STUB1: variants seen among roughly 807,000 people sequenced by gnomAD.
The protein encoded by STUB1 is STIP1 homology and U-box containing protein 1.
STUB1 carries 37 observed loss-of-function variants against 40.3 expected under a neutral mutation model. That is an observed-to-expected ratio of 0.92 (90% CI 0.71 to 1.21). STUB1 has a LOEUF of 1.21. Ranked by LOEUF, STUB1 falls within the 50% of genes most tolerant of loss-of-function variation. The pLI is 0.00. For synonymous variants in STUB1, 246 were observed against 171.9 expected, an observed-to-expected ratio of 1.43 and a Z score of -3.37; for missense variants, 460 against 421.9, an observed-to-expected ratio of 1.09 and a Z score of -0.79.
Position 681,445 on chromosome 16 carries a change from C to T in STUB1, c.366C>T (p.Ser122=). Residue 122 remains serine, a synonymous_variant, in exon 3 of 7, where the codon AGC becomes AGT. Transcript: ENST00000219548. ...GAAGCCCCCGTTCCCCAGCTTACAG[C>T]CTGGCCAAGGAGCAGCGGCTGAACT... ...EAIANLQRAY[S]LAKEQRLNFG... The T allele has an allele frequency of 6.2e-7, 1 of 1,611,636 alleles. No individual in the cohort carries two copies. The highest frequency in any genetic ancestry group is 8.5e-7 in the Non-Finnish European group (1 of 1,178,974).
rs937991055 is a variant in STUB1 at position 680,823 on chromosome 16, C to A, written c.159+139C>A. 4 of 914,210 alleles carry A rather than the reference C, an allele frequency of 4.4e-6. No individual in the cohort carries two copies. The African/African-American group carries it at 7.0e-5, about 16-fold the overall frequency. The allele number at this position is 914,210 out of a possible 1,614,324, so 56.6% of individuals were successfully genotyped here. On this transcript the variant is annotated intron_variant, in intron 1 of 6. Transcript: ENST00000219548. This position sits in a 1 kb window ranked among gnomAD's most constrained non-coding sequence, Gnocchi z 4.9. ...CAAAGCCCAGCCGTGGTTCTCGAGCCCAGCGCCGGGTGCCGGAGAACGAGG... is the reference window on the plus strand; with the variant it reads ...CAAAGCCCAGCCGTGGTTCTCGAGCACAGCGCCGGGTGCCGGAGAACGAGG...
At position 680,530 on chromosome 16, in the gene STUB1, A is replaced by G; in HGVS notation, c.5A>G (p.Lys2Arg). Residue 2 changes from lysine (K) to arginine (R), a missense_variant, in exon 1 of 7, where the codon AAG (lysine) becomes AGG (arginine). By Grantham distance (26) the Lys-to-Arg change is conservative. Coordinates refer to ENST00000219548, the MANE Select transcript of STUB1 (RefSeq NM_005861.4). The surrounding 1 kb of genome is among the most constrained non-coding windows in gnomAD (Gnocchi z 4.9). M[K>R]GKEEKEGGAR... Reference sequence around the variant, plus strand: ...CAGGCCGTGCCGCGCGGCGCCATGAAGGGCAAGGAGGAGAAGGAGGGCGGC... The same window carrying G: ...CAGGCCGTGCCGCGCGGCGCCATGAGGGGCAAGGAGGAGAAGGAGGGCGGC... 1 of 1,278,156 alleles carries G rather than the reference A, an allele frequency of 7.8e-7. No individual in the cohort carries two copies. The highest frequency in any genetic ancestry group is 2.4e-5 in the South Asian group (1 of 42,110). 79.2% of individuals were successfully genotyped at this position (1,278,156 alleles called of 1,614,324 possible). A position where few individuals can be genotyped will look rare whatever the true frequency, so the allele number is the denominator to read the frequency against.
chr16:681,172 C>T lies in STUB1; in HGVS notation c.180C>T (p.Ala60=), dbSNP rs533773727. The stretch of plus-strand genomic sequence containing the variant: ...CCTAGACCCGGAACCCGCTGGTGGC[C>T]GTGTATTACACCAACCGGGCCTTGT... ...GRAITRNPLV[A]VYYTNRALCY... The change falls in exon 2 of 7, where the codon GCC becomes GCT. Residue 60 remains alanine (A), a synonymous_variant. Transcript: ENST00000219548. The T allele has an allele frequency of 1.5e-5, 23 of 1,573,834 alleles. No homozygotes were observed. In the African/African-American group the frequency reaches 2.4e-4, roughly 17 times the overall value.
chr16:681,903 T>C lies in STUB1; in HGVS notation c.612+23T>C, dbSNP rs765948169. On this transcript the variant is annotated intron_variant, in intron 4 of 6. Coordinates refer to ENST00000219548, the MANE Select transcript of STUB1 (RefSeq NM_005861.4). Reference sequence around the variant, plus strand: ...CACGTGAGGGTGCCCCCCACCCACATGTGGGTCTGTGTGTGTGCACGTGGC... The same window carrying C: ...CACGTGAGGGTGCCCCCCACCCACACGTGGGTCTGTGTGTGTGCACGTGGC... 3.1e-6 allele frequency: 5 copies of C among 1,612,750 alleles called. No homozygotes were observed. The South Asian group carries it at 5.5e-5, about 18-fold the overall frequency.
At position 680,723 on chromosome 16, in the gene STUB1, C is replaced by G. The variant is rs1236231162; in HGVS notation, c.159+39C>G. On this transcript the variant is annotated intron_variant, in intron 1 of 6. Transcript: ENST00000219548. This position sits in a 1 kb window ranked among gnomAD's most constrained non-coding sequence, Gnocchi z 4.9. ...CGCGGGGAGGGCGGCGGCGGTGGCA[C>G]CGGGGAGGGCCGGGCCCGGGCCCGG... 2 of 1,165,112 alleles carry G rather than the reference C, an allele frequency of 1.7e-6. No individual in the cohort carries two copies. Among genetic ancestry groups the G allele is most frequent in the African/African-American group, 1.6e-5 (1 of 61,386 alleles). 72.2% of individuals were successfully genotyped at this position (1,165,112 alleles called of 1,614,324 possible).
In STUB1 at chr16:682,053, T is replaced by TC; in HGVS notation, c.647dup (p.Gln217SerfsTer4). 1 of 1,586,546 alleles carries TC rather than the reference T, an allele frequency of 6.3e-7. No individual in the cohort carries two copies. The highest frequency in any genetic ancestry group is 8.6e-7 in the Non-Finnish European group (1 of 1,160,592). ...CATGGCGGACATGGACGAGCTTTTT[T>TC]CTCAGGTGGATGAGAAGAGGAAGGT... On this transcript the variant is annotated frameshift_variant, in exon 5 of 7. Coordinates refer to ENST00000219548, the MANE Select transcript of STUB1 (RefSeq NM_005861.4). LOFTEE classifies it high-confidence loss of function.
chr16:682,680 C>A lies in STUB1; in HGVS notation c.*191C>A. 1 of 1,425,108 alleles carries A rather than the reference C, an allele frequency of 7.0e-7. No individual in the cohort carries two copies. Among genetic ancestry groups the A allele is most frequent in the Non-Finnish European group, 9.6e-7 (1 of 1,040,996 alleles). The allele number at this position is 1,425,108 out of a possible 1,614,324, so 88.3% of individuals were successfully genotyped here. A position where few individuals can be genotyped will look rare whatever the true frequency, so the allele number is the denominator to read the frequency against. Reference sequence around the variant, plus strand: ...CGTCCCCCTTTGTGGGCTGGAAAAGCAGGTGAGGGTGGGCTGGGCTGAGGC... The same window carrying A: ...CGTCCCCCTTTGTGGGCTGGAAAAGAAGGTGAGGGTGGGCTGGGCTGAGGC... On this transcript the variant is annotated 3_prime_UTR_variant, in exon 7 of 7. Transcript: ENST00000219548.
At position 680,549 on chromosome 16, in the gene STUB1, G is replaced by C. The variant is rs752149215; in HGVS notation, c.24G>C (p.Glu8Asp). The change falls in exon 1 of 7, where the codon GAG becomes GAC. Residue 8 changes from glutamate (E) to aspartate (D), a missense_variant. Transcript: ENST00000219548. This position sits in a 1 kb window ranked among gnomAD's most constrained non-coding sequence, Gnocchi z 4.9. ...CCATGAAGGGCAAGGAGGAGAAGGA[G>C]GGCGGCGCACGGCTGGGCGCTGGCG... MKGKEEK[E>D]GGARLGAGGG... is the part of the protein sequence containing the mutation. The C allele has an allele frequency of 3.7e-6, 5 of 1,347,096 alleles. No individual in the cohort carries two copies. In the South Asian group the frequency reaches 9.1e-5, roughly 24 times the overall value. 83.4% of individuals were successfully genotyped at this position (1,347,096 alleles called of 1,614,324 possible).
In STUB1 at chr16:682,232, C is replaced by T. The variant is rs587777343; in HGVS notation, c.737C>T (p.Thr246Met). 3.1e-6 allele frequency: 5 copies of T among 1,613,086 alleles called. No homozygotes were observed. The highest frequency in any genetic ancestry group is 4.2e-6 in the Non-Finnish European group (5 of 1,179,998). Reference sequence around the variant, plus strand: ...GAGCTGATGCGGGAGCCGTGCATCACGCCCAGTGGCATCACCTACGACCGC... The same window carrying T: ...GAGCTGATGCGGGAGCCGTGCATCATGCCCAGTGGCATCACCTACGACCGC... ...SFELMREPCITPSGITYDRKD... is the reference protein window; with the variant it reads ...SFELMREPCIMPSGITYDRKD... Residue 246 changes from threonine (T) to methionine (M), a missense_variant, in exon 6 of 7, where the codon ACG (threonine) becomes ATG (methionine). By Grantham distance (81) the Thr-to-Met change is moderately conservative. Coordinates refer to ENST00000219548, the MANE Select transcript of STUB1 (RefSeq NM_005861.4).
In STUB1 at chr16:682,546, G is replaced by T. The variant is rs1411350280; in HGVS notation, c.*57G>T. On this transcript the variant is annotated 3_prime_UTR_variant, in exon 7 of 7. Coordinates refer to ENST00000219548, the MANE Select transcript of STUB1 (RefSeq NM_005861.4). ...GGGGAGCCCTGGGCAGAAGCCCCCG[G>T]CCCCTATACATAGTTTATGTTCCTG... is the stretch of plus-strand genomic sequence containing the variant. The T allele has an allele frequency of 6.8e-6, 11 of 1,607,122 alleles. No individual in the cohort carries two copies. The East Asian group carries it at 2.5e-4, about 36-fold the overall frequency.
In STUB1 at chr16:680,699, G is replaced by A; in HGVS notation, c.159+15G>A. 8.2e-7 allele frequency: 1 copy of A among 1,218,206 alleles called. No individual in the cohort carries two copies. The highest frequency in any genetic ancestry group is 1.0e-6 in the Non-Finnish European group (1 of 973,958). The allele number at this position is 1,218,206 out of a possible 1,614,324, so 75.5% of individuals were successfully genotyped here. A position where few individuals can be genotyped will look rare whatever the true frequency, so the allele number is the denominator to read the frequency against. On this transcript the variant is annotated intron_variant, in intron 1 of 6. Transcript: ENST00000219548. The surrounding 1 kb of genome is among the most constrained non-coding windows in gnomAD (Gnocchi z 4.9). Reference sequence around the variant, plus strand: ...GCCGCGCGATCGTGAGTGCGCCCGCGCGGGGAGGGCGGCGGCGGTGGCACC... The same window carrying A: ...GCCGCGCGATCGTGAGTGCGCCCGCACGGGGAGGGCGGCGGCGGTGGCACC...
Position 680,595 on chromosome 16 carries a change from C to A in STUB1, c.70C>A (p.Pro24Thr). ...GAGGGSPEKS[P>T]SAQELKEQGN... ...TGGCGGCGGAAGCCCCGAGAAGAGC[C>A]CGAGCGCGCAGGAGCTCAAGGAGCA... The change falls in exon 1 of 7, where the codon CCG (proline) becomes ACG (threonine). Residue 24 changes from proline (P) to threonine (T), a missense_variant. Coordinates refer to ENST00000219548, the MANE Select transcript of STUB1 (RefSeq NM_005861.4). The surrounding 1 kb of genome is among the most constrained non-coding windows in gnomAD (Gnocchi z 4.9). 7.1e-7 allele frequency: 1 copy of A among 1,407,564 alleles called. No homozygotes were observed. Among genetic ancestry groups the A allele is most frequent in the Non-Finnish European group, 9.3e-7 (1 of 1,070,804 alleles). 87.2% of individuals were successfully genotyped at this position (1,407,564 alleles called of 1,614,324 possible).
In STUB1 at chr16:680,706, GGGC is replaced by G; in HGVS notation, c.159+31_159+33del. On this transcript the variant is annotated intron_variant, in intron 1 of 6. Transcript: ENST00000219548. The surrounding 1 kb of genome is among the most constrained non-coding windows in gnomAD (Gnocchi z 4.9). ...GATCGTGAGTGCGCCCGCGCGGGGAGGGCGGCGGCGGTGGCACCGGGGAGGGCC... is the reference window on the plus strand; with the variant it reads ...GATCGTGAGTGCGCCCGCGCGGGGAGGGCGGCGGTGGCACCGGGGAGGGCC... The G allele has an allele frequency of 8.3e-7, 1 of 1,210,888 alleles. No individual in the cohort carries two copies. The highest frequency in any genetic ancestry group is 1.0e-6 in the Non-Finnish European group (1 of 970,216). The allele number at this position is 1,210,888 out of a possible 1,614,324, so 75.0% of individuals were successfully genotyped here.
intron 3 of STUB1, 72 bp downstream of exon 3, chr16:681,675 T>C: frequency 1.3e-6 from 2 of 1,563,144 alleles, no homozygotes; most frequent in Non-Finnish European, 1.7e-6. Flanking sequence ...CAAGCGTTTA[T>C]CGAAGGCTTT....
At position 682,502 on chromosome 16, in the gene STUB1, T is replaced by C. The variant is rs369630124; in HGVS notation, c.*13T>C. 6.2e-7 allele frequency: 1 copy of C among 1,612,986 alleles called. No homozygotes were observed. On this transcript the variant is annotated 3_prime_UTR_variant, in exon 7 of 7. Coordinates refer to ENST00000219548, the MANE Select transcript of STUB1 (RefSeq NM_005861.4). ...GGAGGACTACTGAGGTTCCCTGCCC[T>C]ACCTGGCGTCCTGGTCCAGGGGAGC...
In STUB1 at chr16:680,889, AG is replaced by A; in HGVS notation, c.159+209del. 1 of 567,502 alleles carries A rather than the reference AG, an allele frequency of 1.8e-6. No homozygotes were observed. The highest frequency in any genetic ancestry group is 2.8e-6 in the Non-Finnish European group (1 of 350,936). 35.2% of individuals were successfully genotyped at this position (567,502 alleles called of 1,614,324 possible). On this transcript the variant is annotated intron_variant, in intron 1 of 6. Coordinates refer to ENST00000219548, the MANE Select transcript of STUB1 (RefSeq NM_005861.4). This position sits in a 1 kb window ranked among gnomAD's most constrained non-coding sequence, Gnocchi z 4.9. ...GAGGCCGGCCGGGTGGGGGGAGGGC[AG>A]GGGCCCTCGACCCTTGAGGACCCCA...
intron 6 of STUB1, 38 bp from the exon 7 acceptor site, chr16:682,326 G>C (rs368200174): frequency 1.2e-6 from 2 of 1,612,798 alleles, no homozygotes; most frequent in South Asian, 2.2e-5. Context: ...CATGGTCCTG[G>C]GCCCCATGAC....
In STUB1 at chr16:680,927, C is replaced by T. The variant is rs2039640524; in HGVS notation, c.160-225C>T. ...CCTTGAGGACCCCAGGTCCTAAGCC[C>T]GGACTCTCCAAAGATTTGGAAAACT... is the stretch of plus-strand genomic sequence containing the variant. On this transcript the variant is annotated intron_variant, in intron 1 of 6. Transcript: ENST00000219548. The surrounding 1 kb of genome is among the most constrained non-coding windows in gnomAD (Gnocchi z 4.9). 4.5e-6 allele frequency: 3 copies of T among 667,494 alleles called. No individual in the cohort carries two copies. The highest frequency in any genetic ancestry group is 4.2e-5 in the South Asian group (2 of 47,148). The allele number at this position is 667,494 out of a possible 1,614,324, so 41.3% of individuals were successfully genotyped here.
chr16:682,655 C>G lies in STUB1; in HGVS notation c.*166C>G. ...AGCATCGCTTTTGCTGGGCCGTGAT[C>G]GTCCCCCTTTGTGGGCTGGAAAAGC... On this transcript the variant is annotated 3_prime_UTR_variant, in exon 7 of 7. Coordinates refer to ENST00000219548, the MANE Select transcript of STUB1 (RefSeq NM_005861.4). 3 of 1,404,172 alleles carry G rather than the reference C, an allele frequency of 2.1e-6. No homozygotes were observed. Among genetic ancestry groups the G allele is most frequent in the South Asian group, 2.7e-5 (2 of 75,280 alleles). The allele number at this position is 1,404,172 out of a possible 1,614,324, so 87.0% of individuals were successfully genotyped here.
Sources: gnomAD v4.1 joint callset for allele counts on GRCh38, gnomAD v4.1.1 for gene constraint, Gnocchi (gnomAD v3.1) non-coding constraint, MANE v1.5 for transcripts, NCBI Gene and HGNC (gene_info 2026-07-23, HGNC 2026-07-21) for gene names.